Variants in SCEL observed in about 807,000 individuals in gnomAD.
SCEL encodes the protein sciellin.
A neutral mutation model predicts 117.6 loss-of-function variants in SCEL; 113 were observed. The ratio of observed to expected loss-of-function variants is 0.96; its 90% CI spans 0.83 to 1.12. SCEL has a LOEUF of 1.12. Ranked by LOEUF, SCEL falls within the 50% of genes most tolerant of loss-of-function variation. The pLI, the probability that SCEL is intolerant of heterozygous loss-of-function variation, is 0.00. For synonymous variants in SCEL, 270 were observed against 256.2 expected, an observed-to-expected ratio of 1.05 and a Z score of -0.51; for missense variants, 785 against 810.8, an observed-to-expected ratio of 0.97 and a Z score of 0.39.
chr13:77,584,897 A>G (rs768522014), intron 9 of SCEL, among the ~76,000 whole-genome samples: 6 of 152,256 alleles, frequency 3.9e-5, no homozygotes, highest in Non-Finnish European at 8.8e-5. Context: ...AAAATACTGT[A>G]GAATCTGCCA....
intron 18 of SCEL, among the ~76,000 whole-genome samples, chr13:77,603,773 C>T (rs2087902349): frequency 6.6e-6 from 1 of 152,068 alleles, no homozygotes; most frequent in African/African-American, 2.4e-5. Context: ...TTTTCTTGCC[C>T]TTTTTTGCTC....
chr13:77,553,774 C>A (rs901885818), intron 1 of SCEL, among the ~76,000 whole-genome samples: 1 of 151,760 alleles, frequency 6.6e-6, no homozygotes, highest in Non-Finnish European at 1.5e-5. Flanking sequence ...GTGTGCTGGG[C>A]AATAATTAGA....
chr13:77,609,914 C>T (rs953964582), intron 21 of SCEL, 133 bp from the exon 22 acceptor site: 2 of 414,800 alleles, frequency 4.8e-6, no homozygotes, highest in African/African-American at 4.3e-5. Context: ...TGAAAACCCC[C>T]AGCCCTCTGA....
At chr13:77,595,989 C>T (rs1216913915) in intron 12 of SCEL, among the ~76,000 whole-genome samples, 1 of 152,120 alleles carries the variant, frequency 6.6e-6, no homozygotes, top group African/African-American at 2.4e-5. Flanking sequence ...TCTCTAAAGG[C>T]TAAGTCGAAG....
intron 22 of SCEL, among the ~76,000 whole-genome samples, chr13:77,612,054 G>A (rs187983440): frequency 6.3e-4 from 96 of 152,188 alleles, no homozygotes; most frequent in African/African-American, 2.0e-3. Flanking sequence ...ATAGAATATA[G>A]TAATTTACAT....
intron 25 of SCEL, 55 bp from the exon 26 acceptor site, chr13:77,617,748 A>G (rs1474662673): frequency 6.6e-6 from 10 of 1,510,616 alleles, no homozygotes; most frequent in Non-Finnish European, 9.1e-6. Flanking sequence ...CCTTAATGAT[A>G]TTACCAAAAG....
chr13:77,614,491 G>A (rs2088885512), intron 24 of SCEL, among the ~76,000 whole-genome samples: 2 of 152,108 alleles, frequency 1.3e-5, no homozygotes, highest in African/African-American at 4.8e-5. Flanking sequence ...TAATGTCAGT[G>A]AGATAATGAA....
intron 31 of SCEL, among the ~76,000 whole-genome samples, chr13:77,641,152 A>G (rs544937190): frequency 6.6e-6 from 1 of 152,354 alleles, no homozygotes; most frequent in East Asian, 1.9e-4. Context: ...TGTTGAGAAG[A>G]AAGCTAGCAG....
At chr13:77,601,575 C>T (rs2087696851) in intron 15 of SCEL, among the ~76,000 whole-genome samples, 1 of 152,136 alleles carries the variant, frequency 6.6e-6, no homozygotes, top group Non-Finnish European at 1.5e-5. Flanking sequence ...GGGACCATAA[C>T]AGTTATTTTG....
chr13:77,546,988 T>A (rs906240519), intron 1 of SCEL, among the ~76,000 whole-genome samples: 1 of 152,142 alleles, frequency 6.6e-6, no homozygotes, highest in Non-Finnish European at 1.5e-5. Context: ...ACTTCAATTG[T>A]AATAGTCAGA....
intron 12 of SCEL, among the ~76,000 whole-genome samples, chr13:77,595,172 C>G (rs951702474): frequency 5.9e-5 from 9 of 152,126 alleles, no homozygotes; most frequent in African/African-American, 2.2e-4. Flanking sequence ...TTTCCTGTCC[C>G]TGCTCCCTAG....
chr13:77,599,280 C>A, intron 13 of SCEL, 49 bp from the exon 14 acceptor site: 1 of 1,317,640 alleles, frequency 7.6e-7, no homozygotes, highest in Non-Finnish European at 1.1e-6. Flanking sequence ...TAGAGTTAAG[C>A]ATTGGTCATT....
At chr13:77,570,553 C>A (rs1005466704) in intron 8 of SCEL, among the ~76,000 whole-genome samples, 1 of 152,196 alleles carries the variant, frequency 6.6e-6, no homozygotes, top group Admixed American at 6.5e-5. Flanking sequence ...TTGATTGACT[C>A]GTTCCTTGTC....
In SCEL at chr13:77,597,605, GT is replaced by G; in HGVS notation, c.797+19del. ...GCTTGAATAGGTAAGATTTTTAAAT[GT>G]TTATCTTTTATTACTGAGTTGCATA... On this transcript the variant is annotated intron_variant, in intron 13 of 32. Coordinates refer to ENST00000349847, the MANE Select transcript of SCEL (RefSeq NM_144777.3). 7.2e-7 allele frequency: 1 copy of G among 1,381,104 alleles called. No homozygotes were observed. Among genetic ancestry groups the G allele is most frequent in the Non-Finnish European group, 1.0e-6 (1 of 1,003,398 alleles). 85.6% of individuals were successfully genotyped at this position (1,381,104 alleles called of 1,614,324 possible).
Position 77,610,065 on chromosome 13 carries a change from C to A in SCEL, c.1296C>A (p.Ser432Arg). 1 of 1,609,954 alleles carries A rather than the reference C, an allele frequency of 6.2e-7. No homozygotes were observed. Among genetic ancestry groups the A allele is most frequent in the Non-Finnish European group, 8.5e-7 (1 of 1,177,764 alleles). The change falls in exon 22 of 33, where the codon AGC (serine) becomes AGA (arginine). Residue 432 changes from serine (S) to arginine (R), a missense_variant. By Grantham distance (110) the Ser-to-Arg change is moderately radical (BLOSUM62 -1). Coordinates refer to ENST00000349847, the MANE Select transcript of SCEL (RefSeq NM_144777.3). The stretch of plus-strand genomic sequence containing the variant: ...TTTTAAGGGGCCAAAGTCTCGACAG[C>A]CTCATTAAAGTGACTCCTGAAAGAA... ...KSTEGGQSLD[S>R]LIKVTPERNR...
At chr13:77,595,370 T>C (rs1052888601) in intron 12 of SCEL, among the ~76,000 whole-genome samples, 4 of 152,208 alleles carry the variant, frequency 2.6e-5, no homozygotes, top group Admixed American at 1.3e-4. Context: ...TGCTATCTGA[T>C]TAAGAGCATT....
chr13:77,540,745 G>T (rs1395784271), intron 1 of SCEL, among the ~76,000 whole-genome samples: 4 of 152,172 alleles, frequency 2.6e-5, no homozygotes, highest in African/African-American at 9.7e-5. Context: ...GAGGCTGGAG[G>T]GTATGGCCTT....
intron 11 of SCEL, among the ~76,000 whole-genome samples, chr13:77,593,302 G>GTC (rs2087021861): frequency 2.7e-5 from 4 of 147,186 alleles, no homozygotes; most frequent in Non-Finnish European, 6.0e-5. Context: ...GTGTGTCTGT[G>GTC]TGTGTGTGTG....
At chr13:77,583,607 G>A (rs2086387987) in intron 9 of SCEL, among the ~76,000 whole-genome samples, 1 of 152,144 alleles carries the variant, frequency 6.6e-6, no homozygotes, top group Non-Finnish European at 1.5e-5. Context: ...GATTCGCAGT[G>A]AAAATACCTG....
Sources: allele counts gnomAD v4.1 joint callset (sites outside exome capture counted in the v4.1 genomes callset), GRCh38; gene constraint gnomAD v4.1.1; transcripts MANE v1.5; gene names NCBI Gene and HGNC (gene_info 2026-07-23, HGNC 2026-07-21).